Variants in CAMTA1 observed in about 807,000 individuals in gnomAD.
The protein encoded by CAMTA1 is calmodulin binding transcription activator 1.
In CAMTA1, 27 loss-of-function variants were observed where a neutral mutation model predicts 170.9. The ratio of observed to expected loss-of-function variants is 0.16; its 90% CI spans 0.12 to 0.22. CAMTA1 has a LOEUF of 0.22. Among genes scored for constraint, CAMTA1 ranks in the 10% least tolerant of loss-of-function variants. The probability of loss-of-function intolerance (pLI) is 1.00; values close to 1 mark genes in which losing one functional copy is unlikely to be tolerated. For synonymous variants in CAMTA1, 833 were observed against 891.5 expected (o/e 0.93, Z 1.17); for missense variants, 1,619 against 2,217.2 (o/e 0.73, Z 5.42).
intron 6 of CAMTA1, among the ~76,000 whole-genome samples, chr1:7,629,329 T>C (rs10495758): frequency 0.26 from 39,757 of 152,178 alleles, 8,280 homozygotes; most frequent in African/African-American, 0.58. Context: ...CTAGATTTTG[T>C]GGTCCCAAAG....
At chr1:6,876,365 A>T (rs1022694821) in intron 3 of CAMTA1, among the ~76,000 whole-genome samples, 32 of 145,434 alleles carry the variant, frequency 2.2e-4, no homozygotes, top group Middle Eastern at 3.5e-3. Flanking sequence ...TAATTAATTA[A>T]TTTTTTTTTT....
Position 7,663,506 on chromosome 1 carries a change from G to A in CAMTA1, c.959G>A (p.Gly320Asp), listed in dbSNP as rs2095979025. The A allele has an allele frequency of 6.2e-7, 1 of 1,601,196 alleles. No homozygotes were observed. The highest frequency in any genetic ancestry group is 1.3e-5 in the African/African-American group (1 of 74,716). Residue 320 changes from glycine (G) to aspartate (D), a missense_variant, in exon 9 of 23, where the codon GGC (glycine) becomes GAC (aspartate). Physicochemically the swap from Gly to Asp is moderately conservative, Grantham distance 94. Coordinates refer to ENST00000303635, the MANE Select transcript of CAMTA1 (RefSeq NM_015215.4). ...EGKHEHSHSK[G>D]SSREKRNGKV... ...AAGCACGAGCACAGCCACAGCAAGG[G>A]CTCCAGCCGTGAGAAGAGGAACGGC...
intron 3 of CAMTA1, among the ~76,000 whole-genome samples, chr1:6,880,932 C>A (rs1459555907): frequency 6.6e-6 from 1 of 151,770 alleles, no homozygotes; most frequent in East Asian, 1.9e-4. Flanking sequence ...TAATAATAAA[C>A]AATAAACAAA....
At chr1:7,717,128 G>A (rs1405419832) in intron 11 of CAMTA1, among the ~76,000 whole-genome samples, 2 of 152,142 alleles carry the variant, frequency 1.3e-5, no homozygotes, top group Non-Finnish European at 2.9e-5. Context: ...GAATGGGGAC[G>A]TCGGGGAGAT....
At chr1:7,072,027 G>C (rs770958390) in intron 3 of CAMTA1, among the ~76,000 whole-genome samples, 2 of 152,190 alleles carry the variant, frequency 1.3e-5, no homozygotes, top group South Asian at 2.1e-4. Context: ...TTGGAATCAA[G>C]GGCAAATGCT....
chr1:6,874,248 G>A (rs1669198431), intron 3 of CAMTA1: 1 of 152,324 alleles, frequency 6.6e-6, no homozygotes, highest in African/African-American at 2.4e-5. Flanking sequence ...GGCAGTGGTA[G>A]TGAACCCCGT....
chr1:7,212,144 A>T (rs1658882067), intron 4 of CAMTA1, among the ~76,000 whole-genome samples: 1 of 152,244 alleles, frequency 6.6e-6, no homozygotes, highest in African/African-American at 2.4e-5. Flanking sequence ...TAATCAAAAT[A>T]CTGTGTTCAT....
At chr1:6,890,978 A>G (rs1275225543) in intron 3 of CAMTA1, among the ~76,000 whole-genome samples, 1 of 152,198 alleles carries the variant, frequency 6.6e-6, no homozygotes, top group East Asian at 1.9e-4. Context: ...GAGTTTCTTT[A>G]GCTGTGAAAT....
chr1:7,308,642 G>T (rs1261036418), intron 5 of CAMTA1, among the ~76,000 whole-genome samples: 1 of 152,050 alleles, frequency 6.6e-6, no homozygotes, highest in Non-Finnish European at 1.5e-5. Flanking sequence ...AGATTTTCCT[G>T]TTATCTTTCT....
At chr1:7,328,914 A>G (rs531696038) in intron 5 of CAMTA1, among the ~76,000 whole-genome samples, 2 of 152,326 alleles carry the variant, frequency 1.3e-5, no homozygotes, top group South Asian at 2.1e-4. Flanking sequence ...TGATAATTCC[A>G]ATATCTGAGT....
rs1423068032 is a variant in CAMTA1, at chr1:7,340,764, CCATCCATA to C, written c.438+91141_438+91148del. Among the ~76,000 whole-genome samples, 12 of 134,902 alleles carry C rather than the reference CCATCCATA, an allele frequency of 8.9e-5. No homozygotes were observed. The East Asian group carries it at 1.8e-3, about 20-fold the overall frequency. The allele number at this position is 134,902 out of a possible 152,430, so 88.5% of individuals were successfully genotyped here. On this transcript the variant is annotated intron_variant, in intron 5 of 22. Coordinates refer to ENST00000303635, the MANE Select transcript of CAMTA1 (RefSeq NM_015215.4). ...TCCATCCATCCATCCATCCATCCATCCATCCATACACTGTCTCATTCAAAAACATGACT... is the reference window on the plus strand; with the variant it reads ...TCCATCCATCCATCCATCCATCCATCCACTGTCTCATTCAAAAACATGACT...
At chr1:7,085,929 G>C (rs1335950792) in intron 3 of CAMTA1, among the ~76,000 whole-genome samples, 1 of 152,202 alleles carries the variant, frequency 6.6e-6, no homozygotes, top group African/African-American at 2.4e-5. Flanking sequence ...CAGCATCGCA[G>C]TCCCCAGTCC....
chr1:7,647,516 AC>A (rs2095816890), intron 7 of CAMTA1, among the ~76,000 whole-genome samples: 1 of 151,914 alleles, frequency 6.6e-6, no homozygotes, highest in Non-Finnish European at 1.5e-5. Context: ...GGCCTGTCCC[AC>A]CCGCGCCTCT....
chr1:7,360,388 G>A (rs1246158127), intron 5 of CAMTA1, among the ~76,000 whole-genome samples: 1 of 152,214 alleles, frequency 6.6e-6, no homozygotes, highest in African/African-American at 2.4e-5. Context: ...CTGATGCACT[G>A]GAGTGTAAAT....
chr1:6,838,633 G>T (rs369125838), intron 3 of CAMTA1, among the ~76,000 whole-genome samples: 1 of 151,954 alleles, frequency 6.6e-6, no homozygotes, highest in Non-Finnish European at 1.5e-5. Flanking sequence ...GCCGGTGTGG[G>T]CATTTTTTCT....
intron 6 of CAMTA1, among the ~76,000 whole-genome samples, chr1:7,557,340 C>T (rs1453075547): frequency 6.6e-6 from 1 of 151,696 alleles, no homozygotes; most frequent in Non-Finnish European, 1.5e-5. Flanking sequence ...CAACAGATCC[C>T]ATCACATCTA....
At chr1:7,046,673 C>T (rs1480460472) in intron 3 of CAMTA1, among the ~76,000 whole-genome samples, 1 of 152,204 alleles carries the variant, frequency 6.6e-6, no homozygotes, top group Admixed American at 6.5e-5. Flanking sequence ...AAGTGACTAA[C>T]TCCACTTAGG....
Position 7,325,424 on chromosome 1 carries a change from G to A in CAMTA1, c.438+75798G>A, listed in dbSNP as rs1679135822. Among the ~76,000 whole-genome samples the A allele has an allele frequency of 6.6e-6, 1 of 152,196 alleles. No individual in the cohort carries two copies. Among genetic ancestry groups the A allele is most frequent in the African/African-American group, 2.4e-5 (1 of 41,454 alleles). ...GGGGAAACACTGAGGTGGAGGGACAGCCAGTACAGAGTTTTAAACTGGAGC... is the reference window on the plus strand; with the variant it reads ...GGGGAAACACTGAGGTGGAGGGACAACCAGTACAGAGTTTTAAACTGGAGC... On this transcript the variant is annotated intron_variant, in intron 5 of 22. Coordinates refer to ENST00000303635, the MANE Select transcript of CAMTA1 (RefSeq NM_015215.4). This position sits in a 1 kb window ranked among gnomAD's most constrained non-coding sequence, Gnocchi z 5.0.
At position 7,050,917 on chromosome 1, in the gene CAMTA1, C is replaced by T. The variant is rs58489758; in HGVS notation, c.235-40387C>T. Among the ~76,000 whole-genome samples, 1,371 of 152,292 alleles carry T rather than the reference C, an allele frequency of 9.0e-3. 19 individuals carry two copies. The highest frequency in any genetic ancestry group is 0.031 in the African/African-American group (1,304 of 41,552). On this transcript the variant is annotated intron_variant, in intron 3 of 22. Transcript: ENST00000303635. This position sits in a 1 kb window ranked among gnomAD's most constrained non-coding sequence, Gnocchi z 4.8. ...CTTGAGGCCCCACTGCAGGGAGCAGCGCTGGAAGCCCGGCCCTCTGTACTG... is the reference window on the plus strand; with the variant it reads ...CTTGAGGCCCCACTGCAGGGAGCAGTGCTGGAAGCCCGGCCCTCTGTACTG...
Sources: gnomAD v4.1 joint callset for allele counts (sites outside exome capture counted in the v4.1 genomes callset) on GRCh38, gnomAD v4.1.1 for gene constraint, Gnocchi (gnomAD v3.1) non-coding constraint, MANE v1.5 for transcripts, NCBI Gene and HGNC (gene_info 2026-07-23, HGNC 2026-07-21) for gene names.